The following IGSF21 variants were observed in gnomAD, a reference collection of about 807,000 sequenced individuals.
IGSF21 encodes the protein immunoglobulin superfamily member 21.
IGSF21 carries 28 observed loss-of-function variants against 46.8 expected under a neutral mutation model. The observed-to-expected ratio is 0.60, with a 90% confidence interval of 0.44 to 0.82. The LOEUF (loss-of-function observed/expected upper bound fraction) is 0.82. Among genes scored for constraint, IGSF21 ranks in the 40% least tolerant of loss-of-function variants. IGSF21 has a pLI of 0.00. For missense variants in IGSF21, 624 were observed against 665.5 expected, an observed-to-expected ratio of 0.94 and a Z score of 0.69; for synonymous variants, 284 against 273.6, an observed-to-expected ratio of 1.04 and a Z score of -0.38.
At chr1:18,279,762 G>A (rs1041535853) in intron 2 of IGSF21, among the ~76,000 whole-genome samples, 3 of 152,356 alleles carry the variant, frequency 2.0e-5, no homozygotes, top group Non-Finnish European at 2.9e-5. Context: ...CTGCCCTGAT[G>A]CCATGTGTTA....
chr1:18,230,229 G>A (rs1010178610), intron 2 of IGSF21, among the ~76,000 whole-genome samples: 3 of 152,174 alleles, frequency 2.0e-5, no homozygotes, highest in Non-Finnish European at 2.9e-5. Flanking sequence ...ACTGGGGCAG[G>A]AGGATCCATG....
chr1:18,252,716 C>G (rs1175591950), intron 2 of IGSF21, among the ~76,000 whole-genome samples: 1 of 152,216 alleles, frequency 6.6e-6, no homozygotes, highest in African/African-American at 2.4e-5. Context: ...CCAAATCTGT[C>G]TGCTGCTCTT....
intron 1 of IGSF21, among the ~76,000 whole-genome samples, chr1:18,212,242 G>T (rs2084399957): frequency 6.6e-6 from 1 of 152,220 alleles, no homozygotes; most frequent in South Asian, 2.1e-4. Context: ...ATCCCATTTT[G>T]CAGAAGTGGA....
intron 2 of IGSF21, among the ~76,000 whole-genome samples, chr1:18,291,332 C>T (rs1318526622): frequency 6.6e-6 from 1 of 152,366 alleles, no homozygotes; most frequent in African/African-American, 2.4e-5. Flanking sequence ...CCGTCTGCAT[C>T]GCCCGTGCCG....
intron 2 of IGSF21, among the ~76,000 whole-genome samples, chr1:18,249,614 G>A (rs953784832): frequency 6.6e-6 from 1 of 152,188 alleles, no homozygotes; most frequent in Non-Finnish European, 1.5e-5. Flanking sequence ...TTTTGCCCCC[G>A]TGGTGTCTCT....
At chr1:18,288,333 A>G (rs2124562455) in intron 2 of IGSF21, among the ~76,000 whole-genome samples, 1 of 152,284 alleles carries the variant, frequency 6.6e-6, no homozygotes, top group Admixed American at 6.5e-5. Flanking sequence ...GCTCCTTCAG[A>G]AGTGTCAGAA....
At chr1:18,114,285 A>G (rs1297086178) in intron 1 of IGSF21, 2 of 152,126 alleles carry the variant, frequency 1.3e-5, no homozygotes, top group Non-Finnish European at 2.9e-5. Flanking sequence ...CCCCTGACCC[A>G]CTAGACCCTG....
At chr1:18,374,789 C>T (rs529476758) in intron 6 of IGSF21, among the ~76,000 whole-genome samples, 28 of 152,140 alleles carry the variant, frequency 1.8e-4, no homozygotes, top group African/African-American at 5.6e-4. Flanking sequence ...AAGAGAGGTC[C>T]GGGGACCAGC....
intron 4 of IGSF21, among the ~76,000 whole-genome samples, chr1:18,341,057 CTCT>C (rs1553164967): frequency 0.012 from 533 of 44,726 alleles, 4 homozygotes; most frequent in African/African-American, 0.034. Flanking sequence ...CTTCCTCTTC[CTCT>C]TCTTCTTCTT....
intron 2 of IGSF21, among the ~76,000 whole-genome samples, chr1:18,245,377 T>G (rs1023808063): frequency 4.6e-5 from 7 of 152,188 alleles, no homozygotes; most frequent in Admixed American, 2.0e-4. Flanking sequence ...CTCCATTGGG[T>G]TTTTGTAATT....
At chr1:18,338,574 G>A (rs2085795785) in intron 4 of IGSF21, among the ~76,000 whole-genome samples, 1 of 152,156 alleles carries the variant, frequency 6.6e-6, no homozygotes, top group Non-Finnish European at 1.5e-5. Flanking sequence ...AGTTCCACCA[G>A]AAAGCCCAGC....
chr1:18,295,732 G>A (rs2085306303), intron 3 of IGSF21, among the ~76,000 whole-genome samples: 1 of 152,202 alleles, frequency 6.6e-6, no homozygotes, highest in Admixed American at 6.5e-5. Flanking sequence ...GCTTCCACAG[G>A]GCTTTCTCAG....
rs548719530 is a variant in IGSF21, at chr1:18,212,734, GACAGC to G, written c.71-15163_71-15159del. 1.4e-3 allele frequency among the ~76,000 whole-genome samples: 210 copies of G among 152,334 alleles called. 2 individuals carry two copies. Among genetic ancestry groups the G allele is most frequent in the African/African-American group, 4.9e-3 (203 of 41,580 alleles). On this transcript the variant is annotated intron_variant, in intron 1 of 9. Transcript: ENST00000251296. ...CTGGCCCTGGAGAGGGCACTGCAAAGACAGCCATGGGCTGTCAGGGCACCTCACAA... is the reference window on the plus strand; with the variant it reads ...CTGGCCCTGGAGAGGGCACTGCAAAGCATGGGCTGTCAGGGCACCTCACAA...
At chr1:18,377,735 G>A (rs2124642178) in intron 9 of IGSF21, among the ~76,000 whole-genome samples, 1 of 152,290 alleles carries the variant, frequency 6.6e-6, no homozygotes, top group South Asian at 2.1e-4. Context: ...ACTGCCCATG[G>A]CATCTCTAGC....
intron 3 of IGSF21, among the ~76,000 whole-genome samples, chr1:18,292,957 C>T (rs187255676): frequency 2.8e-4 from 42 of 152,376 alleles, no homozygotes; most frequent in African/African-American, 9.9e-4. Context: ...GTGGTCTGCT[C>T]CAAAGCTGGA....
intron 4 of IGSF21, among the ~76,000 whole-genome samples, chr1:18,344,398 T>A (rs904484880): frequency 4.6e-5 from 7 of 152,118 alleles, no homozygotes; most frequent in Non-Finnish European, 1.0e-4. Context: ...GAACCTCTTT[T>A]GACTTGGGAA....
intron 2 of IGSF21, among the ~76,000 whole-genome samples, chr1:18,288,699 G>A (rs2085238658): frequency 6.6e-6 from 1 of 152,128 alleles, no homozygotes; most frequent in South Asian, 2.1e-4. Context: ...TAGCCCGCTG[G>A]CCCCACCTGA....
At position 18,337,602 on chromosome 1, in the gene IGSF21, G is replaced by A. The variant is rs960912951; in HGVS notation, c.424+2592G>A. 1.3e-5 allele frequency among the ~76,000 whole-genome samples: 2 copies of A among 151,692 alleles called. No homozygotes were observed. The highest frequency in any genetic ancestry group is 4.8e-5 in the African/African-American group (2 of 41,244). ...CGCACCGTGGCAACCTGGAAGCCAG[G>A]GTGTGTCTCTGGGAGTGGCAGAGAC... On this transcript the variant is annotated intron_variant, in intron 4 of 9. Coordinates refer to ENST00000251296, the MANE Select transcript of IGSF21 (RefSeq NM_032880.5). This position sits in a 1 kb window ranked among gnomAD's most constrained non-coding sequence, Gnocchi z 5.7.
At chr1:18,339,973 C>A (rs766834925) in intron 4 of IGSF21, among the ~76,000 whole-genome samples, 75 of 152,180 alleles carry the variant, frequency 4.9e-4, no homozygotes, top group Non-Finnish European at 1.0e-3. Flanking sequence ...GGGTCCAAAT[C>A]CCAATTAGTG....
Sources: allele counts gnomAD v4.1 joint callset (sites outside exome capture counted in the v4.1 genomes callset), GRCh38; gene constraint gnomAD v4.1.1; non-coding constraint Gnocchi (gnomAD v3.1); transcripts MANE v1.5; gene names NCBI Gene and HGNC (gene_info 2026-07-23, HGNC 2026-07-21).